ZMYM2: variants seen among roughly 807,000 people sequenced by gnomAD.
ZMYM2 encodes zinc finger MYM-type protein 2.
Under a neutral mutation model 162.8 loss-of-function variants are expected in ZMYM2, and 56 were observed. The observed-to-expected ratio is 0.34, with a 90% CI of 0.28 to 0.43. ZMYM2 has a LOEUF of 0.43. Ranked by LOEUF, ZMYM2 falls within the 20% of genes least tolerant of loss-of-function variation. The probability of loss-of-function intolerance (pLI) is 1.00; values close to 1 mark genes in which losing one functional copy is unlikely to be tolerated. For missense variants in ZMYM2, 1,275 were observed against 1,621.8 expected (o/e 0.79, Z 3.67); for synonymous variants, 510 against 541.6 (o/e 0.94, Z 0.81).
chr13:19,889,648 T>G, the ZMYM2 span, among the ~76,000 whole-genome samples: 3 of 151,868 alleles, frequency 2.0e-5, no homozygotes, highest in African/African-American at 7.3e-5. Context: ...TCCTTCTGCT[T>G]CCTCCTGCAC....
chr13:20,011,126 A>G (rs1180699930), intron 6 of ZMYM2, among the ~76,000 whole-genome samples: 1 of 152,204 alleles, frequency 6.6e-6, no homozygotes, highest in Non-Finnish European at 1.5e-5. Context: ...CTATCCAATA[A>G]TAATTGTTAA....
At chr13:19,995,211 T>A (rs916284365) in intron 3 of ZMYM2, among the ~76,000 whole-genome samples, 1 of 152,076 alleles carries the variant, frequency 6.6e-6, no homozygotes, top group African/African-American at 2.4e-5. Flanking sequence ...GCCAAACATA[T>A]CATCCTTTTT....
At chr13:19,964,437 C>G (rs1183300430) in intron 2 of ZMYM2, among the ~76,000 whole-genome samples, 1 of 151,992 alleles carries the variant, frequency 6.6e-6, no homozygotes, top group Non-Finnish European at 1.5e-5. Context: ...TTTAATAGGT[C>G]GGTTTTTTGT....
chr13:19,939,257 C>G, the ZMYM2 span, among the ~76,000 whole-genome samples: 1 of 151,888 alleles, frequency 6.6e-6, no homozygotes, highest in Non-Finnish European at 1.5e-5. Flanking sequence ...CTCCTGACCT[C>G]AAGTGATCCA....
At chr13:19,979,337 T>A (rs1027814540) in intron 2 of ZMYM2, among the ~76,000 whole-genome samples, 5 of 152,168 alleles carry the variant, frequency 3.3e-5, no homozygotes, top group African/African-American at 1.2e-4. Context: ...AAATGTTTTG[T>A]TAACTTTGGA....
intron 21 of ZMYM2, among the ~76,000 whole-genome samples, chr13:20,080,960 C>T (rs1957870781): frequency 6.6e-6 from 1 of 152,190 alleles, no homozygotes; most frequent in East Asian, 1.9e-4. Flanking sequence ...GTCTGTATTC[C>T]AAGAACACTT....
intron 21 of ZMYM2, chr13:20,071,091 T>C (rs1040346967): frequency 6.6e-6 from 1 of 152,430 alleles, no homozygotes; most frequent in Non-Finnish European, 1.5e-5. Context: ...GAATCAAAAG[T>C]CTTCTGGTTT....
At chr13:19,981,392 A>G (rs1233177893) in intron 2 of ZMYM2, among the ~76,000 whole-genome samples, 1 of 152,068 alleles carries the variant, frequency 6.6e-6, no homozygotes, top group African/African-American at 2.4e-5. Context: ...AAATTGTCCT[A>G]TCTTTGGCCA....
intron 21 of ZMYM2, among the ~76,000 whole-genome samples, chr13:20,073,756 C>T (rs1957263200): frequency 6.6e-6 from 1 of 152,080 alleles, no homozygotes; most frequent in South Asian, 2.1e-4. Flanking sequence ...ATTAGGACTT[C>T]AATACCGTTA....
At chr13:20,065,212 C>T (rs1193754441) in intron 19 of ZMYM2, among the ~76,000 whole-genome samples, 1 of 151,404 alleles carries the variant, frequency 6.6e-6, no homozygotes, top group Non-Finnish European at 1.5e-5. Context: ...AAATTGTCCC[C>T]AAAAGAAAGA....
chr13:20,069,436 TCC>T (rs199634192), intron 21 of ZMYM2, among the ~76,000 whole-genome samples: 1 of 68,190 alleles, frequency 1.5e-5, no homozygotes, highest in Non-Finnish European at 5.9e-5. Flanking sequence ...TTTTGGTAGC[TCC>T]CTGTTACCAA....
At chr13:19,976,974 T>C (rs1001199329) in intron 2 of ZMYM2, among the ~76,000 whole-genome samples, 28 of 152,362 alleles carry the variant, frequency 1.8e-4, no homozygotes, top group Non-Finnish European at 3.1e-4. Context: ...AGTATCTGTA[T>C]GTTTAGAACT....
chr13:19,965,377 AAAG>A lies in ZMYM2; in HGVS notation c.-11+5353_-11+5355del, dbSNP rs3838836. On this transcript the variant is annotated intron_variant, in intron 2 of 24. Coordinates refer to ENST00000610343, the MANE Select transcript of ZMYM2 (RefSeq NM_197968.4). ...GAACAGTTTTATAATCATTCATTTC[AAAG>A]AGGTATGTCTTTTTCCTAGGAAGAA... is the stretch of plus-strand genomic sequence containing the variant. 1.1e-4 allele frequency: 65 copies of A among 615,362 alleles called. 1 individual carries two copies. The East Asian group carries it at 4.0e-3, about 38-fold the overall frequency. 38.1% of individuals were successfully genotyped at this position (615,362 alleles called of 1,614,324 possible).
At chr13:20,083,585 A>T (rs1392400706) in intron 23 of ZMYM2, 71 bp from the exon 24 acceptor site, 2 of 1,199,054 alleles carry the variant, frequency 1.7e-6, no homozygotes, top group African/African-American at 1.6e-5. Flanking sequence ...GGTATAACAG[A>T]CACTAGGAGT....
intron 21 of ZMYM2, among the ~76,000 whole-genome samples, chr13:20,069,148 TG>T (rs1356077857): frequency 6.6e-6 from 1 of 152,144 alleles, no homozygotes; most frequent in African/African-American, 2.4e-5. Context: ...TAGGTGGTCT[TG>T]TTTTGTTATT....
intron 21 of ZMYM2, among the ~76,000 whole-genome samples, chr13:20,067,913 T>TGG (rs1956800437): frequency 2.0e-5 from 3 of 152,298 alleles, no homozygotes; most frequent in African/African-American, 7.2e-5. Flanking sequence ...ATCTCCAACT[T>TGG]GACATTCTAT....
intron 4 of ZMYM2, among the ~76,000 whole-genome samples, chr13:20,003,406 C>G (rs1761876588): frequency 1.3e-5 from 2 of 152,018 alleles, no homozygotes. Flanking sequence ...GTTCTTATAG[C>G]CAAATAAAAA....
chr13:20,027,969 T>G (rs1271273132), intron 9 of ZMYM2: 2 of 177,434 alleles, frequency 1.1e-5, no homozygotes, highest in African/African-American at 4.7e-5. Flanking sequence ...TTACCTGTTG[T>G]GTGTGAAAAT....
chr13:19,934,955 C>T, the ZMYM2 span, among the ~76,000 whole-genome samples: 2 of 151,616 alleles, frequency 1.3e-5, no homozygotes, highest in Admixed American at 6.6e-5. Context: ...TTAGTAGAGA[C>T]GAGGTTTCAC....
Sources: allele counts gnomAD v4.1 joint callset (sites outside exome capture counted in the v4.1 genomes callset), GRCh38; gene constraint gnomAD v4.1.1; transcripts MANE v1.5; gene names NCBI Gene and HGNC (gene_info 2026-07-23, HGNC 2026-07-21).